SMAD3: variants seen among roughly 807,000 people sequenced by gnomAD.
SMAD3 encodes MAD homolog 3.
A neutral mutation model predicts 51.8 loss-of-function variants in SMAD3; 12 were observed. That is an observed-to-expected ratio of 0.23 (90% CI 0.15 to 0.38). The LOEUF (loss-of-function observed/expected upper bound fraction) is 0.38. Ranked by LOEUF, SMAD3 falls within the 10% of genes least tolerant of loss-of-function variation. The probability of loss-of-function intolerance (pLI) is 1.00; values close to 1 mark genes in which losing one functional copy is unlikely to be tolerated. For synonymous variants in SMAD3, 238 were observed against 227.7 expected (o/e 1.05, Z -0.41); for missense variants, 294 against 565.6 (o/e 0.52, Z 4.87).
intron 1 of SMAD3, among the ~76,000 whole-genome samples, chr15:67,141,285 A>ATG (rs772854693): frequency 4.6e-5 from 7 of 152,198 alleles, no homozygotes; most frequent in Non-Finnish European, 1.0e-4. Flanking sequence ...GTGTTGTGCC[A>ATG]TGTTTCCTAG....
intron 1 of SMAD3, among the ~76,000 whole-genome samples, chr15:67,144,105 A>G (rs911569131): frequency 1.3e-5 from 2 of 151,666 alleles, no homozygotes; most frequent in Non-Finnish European, 2.9e-5. Context: ...GAACATGTCC[A>G]TCACTCCTCT....
chr15:67,086,285 G>A (rs1384116180), intron 1 of SMAD3, among the ~76,000 whole-genome samples: 2 of 152,122 alleles, frequency 1.3e-5, no homozygotes, highest in East Asian at 3.9e-4. Flanking sequence ...TGCTGCTTTG[G>A]TGAGAGAGTG....
chr15:67,088,941 G>T (rs142326759), intron 1 of SMAD3, among the ~76,000 whole-genome samples: 44 of 152,206 alleles, frequency 2.9e-4, no homozygotes, highest in African/African-American at 1.0e-3. Flanking sequence ...AAAAGGGGGT[G>T]CTGGAGAGCA....
intron 6 of SMAD3, among the ~76,000 whole-genome samples, chr15:67,182,992 A>ATATAT (rs1567000499): frequency 3.9e-5 from 2 of 50,650 alleles, no homozygotes; most frequent in African/African-American, 1.8e-4. Flanking sequence ...TTATTAAAAA[A>ATATAT]AAAAAAAAAT....
At chr15:67,101,367 T>C (rs928935375) in intron 1 of SMAD3, among the ~76,000 whole-genome samples, 4 of 152,216 alleles carry the variant, frequency 2.6e-5, no homozygotes, top group African/African-American at 9.6e-5. Context: ...TAGCTTATAG[T>C]AATATTTACG....
At chr15:67,142,753 A>T (rs532429837) in intron 1 of SMAD3, 1 of 399,702 alleles carries the variant, frequency 2.5e-6, no homozygotes, top group South Asian at 1.8e-5. Flanking sequence ...GTGGAGATAT[A>T]TTGATCTCAA....
chr15:67,115,615 C>T (rs1216137104), intron 1 of SMAD3, among the ~76,000 whole-genome samples: 3 of 151,152 alleles, frequency 2.0e-5, no homozygotes, highest in African/African-American at 4.9e-5. Flanking sequence ...CCCTCTGGGC[C>T]GTGATTCCCT....
At chr15:67,172,016 C>CACTT in intron 5 of SMAD3, among the ~76,000 whole-genome samples, 1 of 152,340 alleles carries the variant, frequency 6.6e-6, no homozygotes, top group East Asian at 1.9e-4. Context: ...TCCAAGCAGA[C>CACTT]ACTTGCCTTT....
chr15:67,078,755 G>A (rs533873083), intron 1 of SMAD3, among the ~76,000 whole-genome samples: 20 of 152,262 alleles, frequency 1.3e-4, no homozygotes, highest in East Asian at 5.8e-4. Context: ...CTATTGCTGC[G>A]GAGTGCCCTG....
chr15:67,147,291 A>G (rs62006055), intron 1 of SMAD3, among the ~76,000 whole-genome samples: 35,278 of 152,016 alleles, frequency 0.23, 4,374 homozygotes, highest in South Asian at 0.32. Flanking sequence ...CAGGGTGGGA[A>G]ATGCCAGGCA....
intron 6 of SMAD3, among the ~76,000 whole-genome samples, chr15:67,182,010 C>T (rs1334263244): frequency 6.6e-6 from 1 of 152,194 alleles, no homozygotes; most frequent in Non-Finnish European, 1.5e-5. Flanking sequence ...TGGTCTCGAA[C>T]TCCTGACCTC....
rs1282272897 is a variant in SMAD3, at chr15:67,164,910, G to C, written c.222G>C (p.Arg74=). 2.5e-6 allele frequency: 4 copies of C among 1,612,982 alleles called. No individual in the cohort carries two copies. The highest frequency in any genetic ancestry group is 3.4e-6 in the Non-Finnish European group (4 of 1,180,058). Residue 74 remains arginine, a synonymous_variant, in exon 2 of 9, where the codon CGG becomes CGC. Transcript: ENST00000327367. ...GTCCTGGCAGGTCCCTGGATGGCCGGTTGCAGGTGTCCCATCGGAAGGGGC... is the reference window on the plus strand; with the variant it reads ...GTCCTGGCAGGTCCCTGGATGGCCGCTTGCAGGTGTCCCATCGGAAGGGGC... ...CITIPRSLDG[R]LQVSHRKGLP...
intron 1 of SMAD3, among the ~76,000 whole-genome samples, chr15:67,115,409 A>T (rs1313628258): frequency 6.6e-6 from 1 of 152,218 alleles, no homozygotes; most frequent in Non-Finnish European, 1.5e-5. Flanking sequence ...TGGAAATGTG[A>T]TGCCAAGCAA....
intron 1 of SMAD3, among the ~76,000 whole-genome samples, chr15:67,088,710 C>T (rs971414342): frequency 6.6e-6 from 1 of 152,116 alleles, no homozygotes; most frequent in African/African-American, 2.4e-5. Flanking sequence ...GGGCGAATCA[C>T]GAGGTCAGGA....
At chr15:67,183,000 A>AATATAT (rs1555413788) in intron 6 of SMAD3, among the ~76,000 whole-genome samples, 5 of 43,646 alleles carry the variant, frequency 1.1e-4, no homozygotes, top group South Asian at 1.1e-3. Context: ...AAAAAAAAAA[A>AATATAT]ATATATATAT....
chr15:67,172,982 G>T (rs1866320), intron 5 of SMAD3, among the ~76,000 whole-genome samples: 39,876 of 152,024 alleles, frequency 0.26, 5,392 homozygotes, highest in East Asian at 0.4. Context: ...TCTGCCTGCC[G>T]TTCAGGTGGG....
chr15:67,172,050 GGTT>G (rs1389258520), intron 5 of SMAD3, among the ~76,000 whole-genome samples: 1 of 152,218 alleles, frequency 6.6e-6, no homozygotes, highest in African/African-American at 2.4e-5. Context: ...TCCCAGGGCA[GGTT>G]GGAGGTGGCT....
chr15:67,080,802 G>C (rs528601708), intron 1 of SMAD3, among the ~76,000 whole-genome samples: 2 of 152,192 alleles, frequency 1.3e-5, no homozygotes, highest in Non-Finnish European at 2.9e-5. Flanking sequence ...CCCTGCCAAC[G>C]GAATTCTGCA....
chr15:67,134,972 T>G (rs1961621172), intron 1 of SMAD3, among the ~76,000 whole-genome samples: 1 of 152,106 alleles, frequency 6.6e-6, no homozygotes, highest in South Asian at 2.1e-4. Context: ...CTGGCTGCCC[T>G]TCAGCCCCCA....
Sources: gnomAD v4.1 joint callset for allele counts (sites outside exome capture counted in the v4.1 genomes callset) on GRCh38, gnomAD v4.1.1 for gene constraint, MANE v1.5 for transcripts, NCBI Gene and HGNC (gene_info 2026-07-23, HGNC 2026-07-21) for gene names.